CSTF3: variants seen among roughly 807,000 people sequenced by gnomAD.
The protein encoded by CSTF3 is cleavage stimulation factor subunit 3, also known as CF-1 77 kDa subunit.
In CSTF3, 29 loss-of-function variants were observed where a neutral mutation model predicts 105.8. The ratio of observed to expected loss-of-function variants is 0.27; its 90% confidence interval spans 0.20 to 0.37. The LOEUF is 0.37. CSTF3 is among the 10% of genes least tolerant of loss of function. The probability of loss-of-function intolerance (pLI) is 1.00; values close to 1 mark genes in which losing one functional copy is unlikely to be tolerated. For synonymous variants in CSTF3, 252 were observed against 281.9 expected, an observed-to-expected ratio of 0.89 and a Z score of 1.06; for missense variants, 357 against 879.3, an observed-to-expected ratio of 0.41 and a Z score of 7.51.
chr11:33,143,327 A>C (rs747102072), intron 1 of CSTF3, among the ~76,000 whole-genome samples: 15 of 152,194 alleles, frequency 9.9e-5, no homozygotes, highest in Non-Finnish European at 1.6e-4. Flanking sequence ...TAGAAATTTA[A>C]TTTTTGAAAA....
Position 33,108,395 on chromosome 11 carries a change from C to G in CSTF3, c.249G>C (p.Lys83Asn). 1 of 1,487,584 alleles carries G rather than the reference C, an allele frequency of 6.7e-7. No individual in the cohort carries two copies. Among genetic ancestry groups the G allele is most frequent in the Non-Finnish European group, 9.0e-7 (1 of 1,107,432 alleles). The allele number at this position is 1,487,584 out of a possible 1,614,324, so 92.1% of individuals were successfully genotyped here. A position where few individuals can be genotyped will look rare whatever the true frequency, so the allele number is the denominator to read the frequency against. The change falls in exon 4 of 21, where the codon AAG (lysine) becomes AAC (asparagine). Residue 83 changes from lysine to asparagine, a missense_variant. Transcript: ENST00000323959. ...GTATTTGAGGACTCACCTTTTCAAC[C>G]TTGTCATAATTTTTAGCTTTAATCT... The part of the protein sequence containing the change: ...EAEIKAKNYD[K>N]VEKLFQRCLM...
chr11:33,096,177 C>G (rs1855221313), intron 15 of CSTF3, 129 bp downstream of exon 15: 1 of 577,132 alleles, frequency 1.7e-6, no homozygotes, highest in Non-Finnish European at 2.9e-6. Flanking sequence ...ACAAGTATTT[C>G]TTGAGTGCCT....
chr11:33,126,317 A>AT (rs1855542322), intron 3 of CSTF3, among the ~76,000 whole-genome samples: 1 of 152,032 alleles, frequency 6.6e-6, no homozygotes, highest in African/African-American at 2.4e-5. Flanking sequence ...GTGGCCTGCA[A>AT]CTGTGGTCTT....
At chr11:33,150,083 C>T (rs1052668687) in intron 1 of CSTF3, among the ~76,000 whole-genome samples, 2 of 150,862 alleles carry the variant, frequency 1.3e-5, no homozygotes, top group Non-Finnish European at 3.0e-5. Context: ...GGCGTGGTGG[C>T]AGGCCCCTGT....
Position 33,085,252 on chromosome 11 carries a change from G to A in CSTF3, c.1989C>T (p.Ala663=), listed in dbSNP as rs1391112006. 5 of 1,575,394 alleles carry A rather than the reference G, an allele frequency of 3.2e-6. No individual in the cohort carries two copies. The highest frequency in any genetic ancestry group is 4.3e-6 in the Non-Finnish European group (5 of 1,163,114). The change falls in exon 21 of 21, where the codon GCC becomes GCT. Residue 663 remains alanine (A), a synonymous_variant. Transcript: ENST00000323959. ...EEAVRIITGG[A]PELAVEGNGP... ...CGTTGCCTTCTACAGCTAGCTCTGG[G>A]GCCCCACCAGTAATGATCCTCACAG... is the stretch of plus-strand genomic sequence containing the variant.
chr11:33,150,219 T>TCAAAAAAA (rs1855841378), intron 1 of CSTF3, among the ~76,000 whole-genome samples: 1 of 104,402 alleles, frequency 9.6e-6, no homozygotes. Flanking sequence ...TGTCTCAAAC[T>TCAAAAAAA]AAAAAAAAAA....
At chr11:33,091,785 T>C (rs776148805) in intron 16 of CSTF3, among the ~76,000 whole-genome samples, 1 of 152,186 alleles carries the variant, frequency 6.6e-6, no homozygotes, top group African/African-American at 2.4e-5. Context: ...CACAGCTCAC[T>C]GGAGCCTCAA....
At chr11:33,131,769 G>A (rs936137942) in intron 3 of CSTF3, among the ~76,000 whole-genome samples, 11 of 152,044 alleles carry the variant, frequency 7.2e-5, no homozygotes, top group African/African-American at 2.4e-4. Context: ...GGAGAATGGC[G>A]TGAACCCGGG....
chr11:33,121,156 T>C (rs927600575), intron 3 of CSTF3, among the ~76,000 whole-genome samples: 1 of 152,060 alleles, frequency 6.6e-6, no homozygotes, highest in South Asian at 2.1e-4. Context: ...TTAGGAACTT[T>C]GGAGGTTTGA....
chr11:33,095,836 A>G (rs1855217791), intron 15 of CSTF3, among the ~76,000 whole-genome samples: 1 of 151,630 alleles, frequency 6.6e-6, no homozygotes, highest in Non-Finnish European at 1.5e-5. Context: ...ATAAATAAAT[A>G]AATAAATAAA....
chr11:33,133,387 T>A (rs1019448328), intron 3 of CSTF3, among the ~76,000 whole-genome samples: 7 of 152,212 alleles, frequency 4.6e-5, no homozygotes, highest in Non-Finnish European at 7.3e-5. Context: ...TAATATTAAC[T>A]ACACAGTGGA....
chr11:33,130,273 G>C (rs144484125), intron 3 of CSTF3, among the ~76,000 whole-genome samples: 2 of 152,290 alleles, frequency 1.3e-5, no homozygotes, highest in Admixed American at 6.5e-5. Flanking sequence ...AGGAGTTCGA[G>C]ACCAGCCTGG....
chr11:33,132,480 G>A (rs1228948900), intron 3 of CSTF3, among the ~76,000 whole-genome samples: 1 of 152,064 alleles, frequency 6.6e-6, no homozygotes, highest in Non-Finnish European at 1.5e-5. Context: ...TGCCCACCTT[G>A]GCCTCCCAAA....
At chr11:33,124,630 CAG>C (rs1339635875) in intron 3 of CSTF3, among the ~76,000 whole-genome samples, 4 of 152,128 alleles carry the variant, frequency 2.6e-5, no homozygotes, top group African/African-American at 9.7e-5. Flanking sequence ...TTCATTGGAA[CAG>C]AGTGACTTTA....
intron 1 of CSTF3, among the ~76,000 whole-genome samples, chr11:33,152,432 T>A (rs1434437865): frequency 1.3e-5 from 2 of 151,884 alleles, no homozygotes; most frequent in Non-Finnish European, 2.9e-5. Flanking sequence ...CCTGGCTGGG[T>A]TTTTTCATTA....
intron 1 of CSTF3, among the ~76,000 whole-genome samples, chr11:33,146,405 T>TTTAATTTATTTCC (rs1243861258): frequency 6.6e-6 from 1 of 152,074 alleles, no homozygotes; most frequent in Non-Finnish European, 1.5e-5. Context: ...TAACTATGTA[T>TTTAATTTATTTCC]AGCCAGATGT....
At chr11:33,105,169 C>T (rs1472114724) in intron 8 of CSTF3, among the ~76,000 whole-genome samples, 1 of 152,194 alleles carries the variant, frequency 6.6e-6, no homozygotes, top group African/African-American at 2.4e-5. Flanking sequence ...TAGCCACACA[C>T]TTCACAAATT....
At chr11:33,090,834 A>G in intron 16 of CSTF3, 107 bp from the exon 17 acceptor site, 5 of 640,842 alleles carry the variant, frequency 7.8e-6, no homozygotes, top group Non-Finnish European at 1.2e-5. Context: ...AACTTATAAA[A>G]AGTGACTTTT....
intron 3 of CSTF3, among the ~76,000 whole-genome samples, chr11:33,136,939 C>A (rs184964676): frequency 1.3e-5 from 2 of 151,908 alleles, no homozygotes; most frequent in Admixed American, 1.3e-4. Context: ...TAAAACATTA[C>A]TACCTCCCCC....
Sources: gnomAD v4.1 joint callset for allele counts (sites outside exome capture counted in the v4.1 genomes callset) on GRCh38, gnomAD v4.1.1 for gene constraint, MANE v1.5 for transcripts, NCBI Gene and HGNC (gene_info 2026-07-23, HGNC 2026-07-21) for gene names.